Variants in KIF3A observed in about 807,000 individuals in gnomAD.
KIF3A encodes kinesin family member 3A, also known as kinesin-like protein KIF3A.
A neutral mutation model predicts 92.6 loss-of-function variants in KIF3A; 27 were observed. The observed-to-expected ratio is 0.29, with a 90% confidence interval of 0.21 to 0.40. The LOEUF (loss-of-function observed/expected upper bound fraction) is 0.40. KIF3A is among the 10% of genes least tolerant of loss of function. The pLI is 1.00. For synonymous variants in KIF3A, 250 were observed against 275.4 expected (o/e 0.91, Z 0.92); for missense variants, 581 against 872.6 (o/e 0.67, Z 4.21).
At chr5:132,713,327 A>G (rs1753494961) in intron 8 of KIF3A, among the ~76,000 whole-genome samples, 3 of 152,258 alleles carry the variant, frequency 2.0e-5, no homozygotes, top group South Asian at 4.1e-4. Flanking sequence ...GACTATATCA[A>G]TGTAAATCTC....
chr5:132,729,143 G>A (rs1055253086), intron 2 of KIF3A, among the ~76,000 whole-genome samples: 1 of 151,976 alleles, frequency 6.6e-6, no homozygotes, highest in Admixed American at 6.6e-5. Flanking sequence ...AGTGGGAGGC[G>A]AGTGAGAGAT....
rs765021859 is a variant in KIF3A at position 132,696,687 on chromosome 5, T to C, written c.2133-5A>G. ...TCAGGCTTTGCAGAACGCTTTCTGT[T>C]TGGAGAAGAAAAAAAGCAATCATGA... On this transcript the variant is annotated splice_region_variant and splice_polypyrimidine_tract_variant and intron_variant, in intron 18 of 18. Coordinates refer to ENST00000403231, the MANE Select transcript of KIF3A (RefSeq NM_001300791.2). The C allele has an allele frequency of 1.2e-6, 2 of 1,607,084 alleles. No homozygotes were observed. Among genetic ancestry groups the C allele is most frequent in the Admixed American group, 3.3e-5 (2 of 59,964 alleles).
chr5:132,716,143 G>T, intron 7 of KIF3A, 102 bp downstream of exon 7: 1 of 1,067,526 alleles, frequency 9.4e-7, no homozygotes, highest in Non-Finnish European at 1.4e-6. Context: ...GTCAAAAAAA[G>T]TAAAATAATC....
intron 11 of KIF3A, 26 bp downstream of exon 11, chr5:132,706,425 G>C (rs1167329009): frequency 3.3e-6 from 5 of 1,519,770 alleles, no homozygotes; most frequent in Non-Finnish European, 4.4e-6. Flanking sequence ...ATTGTACCAT[G>C]TGGAGTGCAA....
downstream of KIF3A, among the ~76,000 whole-genome samples, chr5:132,689,146 C>T (rs926437756): frequency 1.3e-5 from 2 of 151,974 alleles, no homozygotes; most frequent in African/African-American, 2.4e-5. Flanking sequence ...GTTCAACTTC[C>T]GAAAAAGGAC....
At chr5:132,698,116 C>T (rs1276945737) in intron 18 of KIF3A, among the ~76,000 whole-genome samples, 1 of 152,084 alleles carries the variant, frequency 6.6e-6, no homozygotes, top group African/African-American at 2.4e-5. Context: ...GTTCAACCAT[C>T]CCAAATTTAT....
intron 8 of KIF3A, among the ~76,000 whole-genome samples, 155 bp from the exon 9 acceptor site, chr5:132,711,212 C>T (rs1456952368): frequency 6.6e-6 from 1 of 152,132 alleles, no homozygotes; most frequent in Admixed American, 6.6e-5. Context: ...AACAGATATG[C>T]CAATCTCAGA....
intron 4 of KIF3A, chr5:132,723,559 C>G (rs1009752121): frequency 6.6e-6 from 1 of 152,200 alleles, no homozygotes; most frequent in Non-Finnish European, 1.5e-5. Context: ...AAAGGATTCC[C>G]TATTTAACAA....
At position 132,716,913 on chromosome 5, in the gene KIF3A, A is replaced by C; in HGVS notation, c.688T>G (p.Cys230Gly). ...SHAIFTITIE[C>G]SEKGIDGNMH... ...TTACCATCAATGCCTTTTTCACTGC[A>C]TTCTATAGTAATTGTAAAGATGGCA... The change falls in exon 6 of 19, where the codon TGC becomes GGC. Residue 230 changes from cysteine (C) to glycine (G), a missense_variant. Cys to Gly is a radical substitution (Grantham distance 159). This residue lies in a region of KIF3A where 217 missense variants were observed against 299.7 expected (regional missense o/e 0.72). Coordinates refer to ENST00000403231, the MANE Select transcript of KIF3A (RefSeq NM_001300791.2). 1 of 1,613,934 alleles carries C rather than the reference A, an allele frequency of 6.2e-7. No individual in the cohort carries two copies. Among genetic ancestry groups the C allele is most frequent in the Admixed American group, 1.7e-5 (1 of 60,016 alleles).
chr5:132,699,874 T>G (rs959525930), intron 17 of KIF3A, among the ~76,000 whole-genome samples: 5 of 152,152 alleles, frequency 3.3e-5, no homozygotes, highest in African/African-American at 1.2e-4. Context: ...CTCCCTCTTC[T>G]TCTTGACCTA....
chr5:132,707,887 TAATTA>T (rs1394179262), intron 10 of KIF3A, among the ~76,000 whole-genome samples: 10 of 152,212 alleles, frequency 6.6e-5, no homozygotes, highest in South Asian at 4.1e-4. Context: ...CTTTTCAACT[TAATTA>T]AATTGTTTTA....
chr5:132,736,284 T>G (rs900804168), intron 1 of KIF3A, among the ~76,000 whole-genome samples: 5 of 152,218 alleles, frequency 3.3e-5, no homozygotes, highest in African/African-American at 1.2e-4. Context: ...ATTGAGAAAT[T>G]TCACAAAAAT....
At chr5:132,718,249 C>A (rs1362526568) in intron 5 of KIF3A, among the ~76,000 whole-genome samples, 1 of 152,216 alleles carries the variant, frequency 6.6e-6, no homozygotes, top group Non-Finnish European at 1.5e-5. Context: ...TTTATCCCCC[C>A]ACTGACAAAC....
chr5:132,730,624 C>T (rs1348492048), intron 2 of KIF3A, among the ~76,000 whole-genome samples: 1 of 151,652 alleles, frequency 6.6e-6, no homozygotes, highest in Non-Finnish European at 1.5e-5. Context: ...CTTATCTCTA[C>T]CAAAAAAAAA....
chr5:132,727,456 G>T (rs1175692865), intron 2 of KIF3A, among the ~76,000 whole-genome samples: 1 of 152,098 alleles, frequency 6.6e-6, no homozygotes, highest in African/African-American at 2.4e-5. Flanking sequence ...GTAAGGTTTA[G>T]ATCTGAAATA....
intron 8 of KIF3A, among the ~76,000 whole-genome samples, chr5:132,712,163 A>G (rs1179927576): frequency 1.3e-5 from 2 of 152,232 alleles, no homozygotes; most frequent in Non-Finnish European, 2.9e-5. Flanking sequence ...AGTAATGAGC[A>G]CAGCTAGTGC....
In KIF3A at chr5:132,716,462, A is replaced by G. The variant is rs1753626449; in HGVS notation, c.757-20T>C. 6.3e-7 allele frequency: 1 copy of G among 1,576,638 alleles called. No individual in the cohort carries two copies. Among genetic ancestry groups the G allele is most frequent in the Non-Finnish European group, 8.6e-7 (1 of 1,161,004 alleles). On this transcript the variant is annotated intron_variant, in intron 6 of 18. Coordinates refer to ENST00000403231, the MANE Select transcript of KIF3A (RefSeq NM_001300791.2). ...TGAACCCTAGCAATAAACAGAGATG[A>G]AAGTAAAGCTAAAATTTTTTTAAAA...
At chr5:132,711,297 T>G (rs555860074) in intron 8 of KIF3A, among the ~76,000 whole-genome samples, 2 of 152,118 alleles carry the variant, frequency 1.3e-5, no homozygotes, top group Non-Finnish European at 2.9e-5. Flanking sequence ...CACTTAAAAT[T>G]TCAAACCATT....
At chr5:132,715,678 G>T (rs972019278) in intron 8 of KIF3A, 79 bp downstream of exon 8, 2 of 1,067,266 alleles carry the variant, frequency 1.9e-6, no homozygotes, top group Non-Finnish European at 2.7e-6. Flanking sequence ...GTTTAATAGA[G>T]GGCTTTTGTT....
Sources: allele counts gnomAD v4.1 joint callset (sites outside exome capture counted in the v4.1 genomes callset), GRCh38; gene constraint gnomAD v4.1.1; regional missense constraint gnomAD v4.1.1; transcripts MANE v1.5; gene names NCBI Gene and HGNC (gene_info 2026-07-23, HGNC 2026-07-21).